The following GGA2 variants were observed in gnomAD, a reference collection of about 807,000 sequenced individuals.
The protein encoded by GGA2 is ADP-ribosylation factor-binding protein GGA2.
In GGA2, 48 loss-of-function variants were observed where a neutral mutation model predicts 79.5. That is an observed-to-expected ratio of 0.60 (90% CI 0.48 to 0.77). The LOEUF is 0.77. Ranked by LOEUF, GGA2 falls within the 30% of genes least tolerant of loss-of-function variation. The probability of loss-of-function intolerance (pLI) is 0.00; values close to 1 mark genes in which losing one functional copy is unlikely to be tolerated. For synonymous variants in GGA2, 317 were observed against 302.0 expected (o/e 1.05, Z -0.51); for missense variants, 770 against 774.0 (o/e 0.99, Z 0.06).
chr16:23,505,199 G>A (rs1336310447), intron 1 of GGA2, among the ~76,000 whole-genome samples: 1 of 152,154 alleles, frequency 6.6e-6, no homozygotes, highest in Non-Finnish European at 1.5e-5. Context: ...CTCAGCATGG[G>A]AATGTCCTAC....
intron 8 of GGA2, among the ~76,000 whole-genome samples, chr16:23,483,916 G>A (rs1205838958): frequency 6.6e-6 from 1 of 150,804 alleles, no homozygotes; most frequent in Non-Finnish European, 1.5e-5. Flanking sequence ...CAAAGTGCTG[G>A]GATTACAGGC....
intron 2 of GGA2, among the ~76,000 whole-genome samples, chr16:23,515,741 T>C (rs9940058): frequency 0.84 from 127,158 of 152,126 alleles, 53,281 homozygotes; most frequent in Middle Eastern, 0.9. Flanking sequence ...GAATCTACAC[T>C]ACTGGCTCTC....
intron 13 of GGA2, among the ~76,000 whole-genome samples, chr16:23,475,433 G>A (rs562694480): frequency 2.0e-5 from 3 of 151,490 alleles, no homozygotes; most frequent in Admixed American, 6.6e-5. Flanking sequence ...CAGGTGATCC[G>A]TCCGCCTCGG....
chr16:23,490,755 A>G (rs1049362284), intron 5 of GGA2, among the ~76,000 whole-genome samples: 1 of 151,736 alleles, frequency 6.6e-6, no homozygotes, highest in South Asian at 2.1e-4. Flanking sequence ...AAAAAAAAAG[A>G]AGTAAATAAA....
At chr16:23,507,832 T>G (rs1489526271) in intron 1 of GGA2, among the ~76,000 whole-genome samples, 1 of 151,316 alleles carries the variant, frequency 6.6e-6, no homozygotes, top group Non-Finnish European at 1.5e-5. Flanking sequence ...AAAAATACAT[T>G]TAAAAAAAGC....
chr16:23,465,445 G>A lies in GGA2; in HGVS notation c.*2145C>T, dbSNP rs970866866. On this transcript the variant is annotated 3_prime_UTR_variant, in exon 17 of 17. Coordinates refer to ENST00000309859, the MANE Select transcript of GGA2 (RefSeq NM_015044.4). ...CTATCCTGTCCAACACCTAAGCATA[G>A]TAGTACCACTGGGAGTCTGTCTCCT... 1 of 702,534 alleles carries A rather than the reference G, an allele frequency of 1.4e-6. No individual in the cohort carries two copies. The highest frequency in any genetic ancestry group is 1.5e-5 in the South Asian group (1 of 67,532). The allele number at this position is 702,534 out of a possible 1,614,324, so 43.5% of individuals were successfully genotyped here.
At chr16:23,479,561 A>C in intron 11 of GGA2, among the ~76,000 whole-genome samples, 1 of 114,980 alleles carries the variant, frequency 8.7e-6, no homozygotes, top group South Asian at 3.0e-4. Flanking sequence ...CGTGCTTCCC[A>C]AGGGGACCAG....
In GGA2 at chr16:23,510,423, C is replaced by A. The variant is rs544520902; in HGVS notation, c.-12G>T. Reference sequence around the variant, plus strand: ...GCGGTCGCCGCCATCGCTCCAGCCCCGACGCTGCGGCCGCGGGCGCCACTG... The same window carrying A: ...GCGGTCGCCGCCATCGCTCCAGCCCAGACGCTGCGGCCGCGGGCGCCACTG... On this transcript the variant is annotated 5_prime_UTR_variant, in exon 1 of 17. Transcript: ENST00000309859. 1.1e-4 allele frequency: 131 copies of A among 1,163,896 alleles called. No homozygotes were observed. In the African/African-American group the frequency reaches 1.4e-3, roughly 12 times the overall value. 72.1% of individuals were successfully genotyped at this position (1,163,896 alleles called of 1,614,324 possible).
Position 23,474,982 on chromosome 16 carries a change from C to G in GGA2, c.1372G>C (p.Gly458Arg). 6.2e-7 allele frequency: 1 copy of G among 1,611,946 alleles called. No homozygotes were observed. Among genetic ancestry groups the G allele is most frequent in the Non-Finnish European group, 8.5e-7 (1 of 1,178,028 alleles). ...GAAGATGGGGAAGGAGCCAACGGGC[C>G]AGCCTCCCAGGACCAACCTGGAGAG... ...KSSPGWSWEA[G>R]PLAPSPSSQN... The change falls in exon 14 of 17, where the codon GGC (glycine) becomes CGC (arginine). Residue 458 changes from glycine to arginine, a missense_variant. By Grantham distance (125) the Gly-to-Arg change is moderately radical. Transcript: ENST00000309859.
intron 16 of GGA2, among the ~76,000 whole-genome samples, chr16:23,468,029 A>G (rs1016957946): frequency 6.6e-6 from 1 of 152,112 alleles, no homozygotes; most frequent in African/African-American, 2.4e-5. Flanking sequence ...TCCTTCAGTG[A>G]GCCCCAAAGA....
At chr16:23,521,083 G>A (rs1280602083) in intron 1 of GGA2, among the ~76,000 whole-genome samples, 12 of 152,112 alleles carry the variant, frequency 7.9e-5, no homozygotes, top group Admixed American at 7.9e-4. Flanking sequence ...TGAGCCACCA[G>A]GCCCAGCTCT....
intron 10 of GGA2, 138 bp from the exon 11 acceptor site, chr16:23,480,025 A>G: frequency 1.3e-6 from 1 of 746,854 alleles, no homozygotes; most frequent in Non-Finnish European, 2.1e-6. Context: ...CCTTCCACTC[A>G]GCTGAGTGTC....
At chr16:23,522,955 A>C (rs1467253013), upstream of GGA2, 5 of 152,208 alleles carry the variant, frequency 3.3e-5, no homozygotes, top group Admixed American at 3.3e-4. Context: ...AGCACTCCAT[A>C]AGGCTGCTTG....
intron 2 of GGA2, chr16:23,519,543 A>G: frequency 2.6e-6 from 1 of 384,440 alleles, no homozygotes; most frequent in South Asian, 1.8e-5. Context: ...TATGTGGAAT[A>G]TTGGTTATTT....
At position 23,494,256 on chromosome 16, in the gene GGA2, T is replaced by C. The variant is rs770752427; in HGVS notation, c.252+47A>G. The C allele has an allele frequency of 1.4e-4, 177 of 1,250,520 alleles. 2 individuals carry two copies. In the Admixed American group the frequency reaches 2.8e-3, roughly 20 times the overall value. The allele number at this position is 1,250,520 out of a possible 1,614,324, so 77.5% of individuals were successfully genotyped here. On this transcript the variant is annotated intron_variant, in intron 3 of 16. Transcript: ENST00000309859. ...AAGCAAAGCGCCTCTCGGCTCTCTA[T>C]AGCACAAGGACAGGAAAGGTTAGGC...
At chr16:23,476,900 C>G (rs1029643520) in intron 13 of GGA2, among the ~76,000 whole-genome samples, 3 of 152,154 alleles carry the variant, frequency 2.0e-5, no homozygotes, top group African/African-American at 4.8e-5. Context: ...TTGGCCAAAG[C>G]AGGTATTTTC....
intron 8 of GGA2, among the ~76,000 whole-genome samples, chr16:23,483,490 C>T (rs867104276): frequency 3.3e-4 from 50 of 152,164 alleles, no homozygotes; most frequent in African/African-American, 1.1e-3. Flanking sequence ...GGCTGGCTCT[C>T]CTCCTGTGCA....
chr16:23,518,409 C>T (rs1965116185), intron 2 of GGA2, among the ~76,000 whole-genome samples: 2 of 152,038 alleles, frequency 1.3e-5, no homozygotes, highest in African/African-American at 4.8e-5. Context: ...GGGGGGGTTT[C>T]ACCATGTTGC....
At chr16:23,494,223 C>G (rs1964825526) in intron 3 of GGA2, 80 bp downstream of exon 3, 1 of 908,430 alleles carries the variant, frequency 1.1e-6, no homozygotes, top group African/African-American at 1.6e-5. Flanking sequence ...TGAAAAGGAT[C>G]TGTGTGGAAG....
Sources: gnomAD v4.1 joint callset for allele counts (sites outside exome capture counted in the v4.1 genomes callset) on GRCh38, gnomAD v4.1.1 for gene constraint, MANE v1.5 for transcripts, NCBI Gene and HGNC (gene_info 2026-07-23, HGNC 2026-07-21) for gene names.